EPB41L4A: variants seen among roughly 807,000 people sequenced by gnomAD.
The protein encoded by EPB41L4A is band 4.1-like protein 4A.
In EPB41L4A, 100 loss-of-function variants were observed where a neutral mutation model predicts 108.6. That is an observed-to-expected ratio of 0.92 (90% CI 0.78 to 1.09). The LOEUF is 1.09. EPB41L4A is among the 50% of genes least tolerant of loss of function. The probability of loss-of-function intolerance (pLI) is 0.00; values close to 1 mark genes in which losing one functional copy is unlikely to be tolerated. For synonymous variants in EPB41L4A, 319 were observed against 289.0 expected (o/e 1.10, Z -1.05); for missense variants, 1,030 against 842.7 (o/e 1.22, Z -2.75).
intron 12 of EPB41L4A, among the ~76,000 whole-genome samples, chr5:112,232,933 A>G (rs1749059454): frequency 6.6e-6 from 1 of 152,238 alleles, no homozygotes. Context: ...AGCAAGCCAC[A>G]AACTAACGTC....
At chr5:112,387,011 G>A (rs1760590738) in intron 1 of EPB41L4A, among the ~76,000 whole-genome samples, 1 of 152,064 alleles carries the variant, frequency 6.6e-6, no homozygotes, top group Non-Finnish European at 1.5e-5. Flanking sequence ...AGCAAGTGCT[G>A]CCACCTTTGG....
intron 1 of EPB41L4A, among the ~76,000 whole-genome samples, chr5:112,322,420 A>T (rs996778680): frequency 2.0e-5 from 3 of 152,174 alleles, no homozygotes; most frequent in African/African-American, 4.8e-5. Context: ...ACTGCTACTA[A>T]GGAGAGCACT....
intron 1 of EPB41L4A, among the ~76,000 whole-genome samples, chr5:112,346,520 C>G (rs1186407418): frequency 6.6e-6 from 1 of 152,086 alleles, no homozygotes; most frequent in Non-Finnish European, 1.5e-5. Context: ...CTGCGCCCAG[C>G]CTGTATGCTC....
chr5:112,289,891 A>G (rs1239946213), intron 2 of EPB41L4A, among the ~76,000 whole-genome samples: 1 of 152,236 alleles, frequency 6.6e-6, no homozygotes, highest in Non-Finnish European at 1.5e-5. Context: ...TTACACAACA[A>G]AGAGTAACTG....
intron 9 of EPB41L4A, among the ~76,000 whole-genome samples, chr5:112,251,658 C>T (rs986558285): frequency 2.0e-5 from 3 of 152,150 alleles, no homozygotes; most frequent in South Asian, 2.1e-4. Context: ...GGAAGCATGG[C>T]GGAACAGGGT....
chr5:112,245,684 T>C (rs972059318), intron 9 of EPB41L4A, among the ~76,000 whole-genome samples: 4 of 152,188 alleles, frequency 2.6e-5, no homozygotes, highest in African/African-American at 9.6e-5. Flanking sequence ...TGAGGTCCCA[T>C]GGGACACCTA....
intron 1 of EPB41L4A, among the ~76,000 whole-genome samples, chr5:112,344,828 C>G (rs1286811885): frequency 6.6e-6 from 1 of 152,200 alleles, no homozygotes; most frequent in Non-Finnish European, 1.5e-5. Context: ...ATAGCACCTA[C>G]TGGTTCTCTT....
chr5:112,252,270 T>C (rs1750732781), intron 9 of EPB41L4A, among the ~76,000 whole-genome samples: 1 of 152,116 alleles, frequency 6.6e-6, no homozygotes, highest in Non-Finnish European at 1.5e-5. Flanking sequence ...GGTCTATGTG[T>C]GTATATATGA....
intron 22 of EPB41L4A, among the ~76,000 whole-genome samples, chr5:112,167,136 A>AC (rs1554071420): frequency 6.6e-6 from 1 of 151,832 alleles, no homozygotes; most frequent in African/African-American, 2.4e-5. Context: ...AAAAAAAAAA[A>AC]AAAACACCGA....
intron 18 of EPB41L4A, among the ~76,000 whole-genome samples, chr5:112,175,003 A>C (rs907859799): frequency 6.6e-6 from 1 of 152,126 alleles, no homozygotes; most frequent in Admixed American, 6.5e-5. Context: ...TGAACAACCT[A>C]GCTGCTGAAG....
intron 2 of EPB41L4A, among the ~76,000 whole-genome samples, chr5:112,282,442 G>A (rs764678996): frequency 2.0e-5 from 3 of 152,192 alleles, no homozygotes; most frequent in East Asian, 1.9e-4. Context: ...CACTGCTGCC[G>A]TAACAAATTA....
intron 13 of EPB41L4A, among the ~76,000 whole-genome samples, chr5:112,207,821 G>A (rs989460373): frequency 6.6e-6 from 1 of 152,164 alleles, no homozygotes; most frequent in Non-Finnish European, 1.5e-5. Flanking sequence ...CACTGTTGGG[G>A]GAAATATAAA....
At chr5:112,339,482 A>ATC (rs1757132169) in intron 1 of EPB41L4A, among the ~76,000 whole-genome samples, 18 of 38,592 alleles carry the variant, frequency 4.7e-4, no homozygotes, top group Non-Finnish European at 8.2e-4. Context: ...ATCTATATAT[A>ATC]TATATATATA....
intron 17 of EPB41L4A, among the ~76,000 whole-genome samples, chr5:112,185,413 A>T (rs1176969498): frequency 6.6e-6 from 1 of 152,228 alleles, no homozygotes; most frequent in East Asian, 1.9e-4. Flanking sequence ...ATGGGTGACA[A>T]ATATTCATTT....
intron 1 of EPB41L4A, among the ~76,000 whole-genome samples, chr5:112,381,238 G>T (rs1389566968): frequency 6.6e-6 from 1 of 152,108 alleles, no homozygotes; most frequent in Non-Finnish European, 1.5e-5. Context: ...ATTCAAATCA[G>T]AACTTTTGGA....
At chr5:112,200,189 T>A (rs1762153831) in intron 15 of EPB41L4A, among the ~76,000 whole-genome samples, 1 of 152,346 alleles carries the variant, frequency 6.6e-6, no homozygotes, top group Admixed American at 6.5e-5. Flanking sequence ...CCAATGCTTT[T>A]GCACATGCTA....
At chr5:112,174,551 C>T (rs1760765361) in intron 18 of EPB41L4A, among the ~76,000 whole-genome samples, 1 of 152,190 alleles carries the variant, frequency 6.6e-6, no homozygotes, top group African/African-American at 2.4e-5. Context: ...TTTGATGACA[C>T]ATCATTCACA....
intron 1 of EPB41L4A, among the ~76,000 whole-genome samples, chr5:112,374,976 CA>C (rs1325347454): frequency 2.0e-5 from 3 of 152,184 alleles, no homozygotes; most frequent in African/African-American, 7.2e-5. Flanking sequence ...TGCAGAGCAG[CA>C]GCTCTGAACT....
At chr5:112,390,273 G>C (rs749779269) in intron 1 of EPB41L4A, among the ~76,000 whole-genome samples, 25 of 152,318 alleles carry the variant, frequency 1.6e-4, no homozygotes, top group Non-Finnish European at 2.1e-4. Flanking sequence ...CAAGGGGTCA[G>C]GGGATTTCCC....
Sources: allele counts gnomAD v4.1 joint callset (sites outside exome capture counted in the v4.1 genomes callset), GRCh38; gene constraint gnomAD v4.1.1; transcripts MANE v1.5; gene names NCBI Gene and HGNC (gene_info 2026-07-23, HGNC 2026-07-21).